COL25A1: variants seen among roughly 807,000 people sequenced by gnomAD.
COL25A1 encodes the protein collagen type XXV alpha 1 chain.
A neutral mutation model predicts 128.4 loss-of-function variants in COL25A1; 103 were observed. That is an observed-to-expected ratio of 0.80 (90% CI 0.68 to 0.94). COL25A1 has a LOEUF of 0.94. COL25A1 is among the 40% of genes least tolerant of loss of function. The pLI, the probability that COL25A1 is intolerant of heterozygous loss-of-function variation, is 0.00. For synonymous variants in COL25A1, 279 were observed against 277.2 expected (o/e 1.01, Z -0.06); for missense variants, 745 against 840.0 (o/e 0.89, Z 1.40).
intron 3 of COL25A1, among the ~76,000 whole-genome samples, chr4:109,062,798 A>G (rs1762092168): frequency 1.3e-5 from 2 of 152,244 alleles, no homozygotes; most frequent in Non-Finnish European, 2.9e-5. Flanking sequence ...CTTAAATTCT[A>G]CTGGTAAGCT....
intron 3 of COL25A1, among the ~76,000 whole-genome samples, chr4:109,098,098 C>T (rs1765557069): frequency 1.3e-5 from 2 of 152,210 alleles, no homozygotes; most frequent in South Asian, 4.1e-4. Flanking sequence ...TGTAAATGCA[C>T]ATTACATGAA....
At chr4:108,877,396 T>C (rs1410253925) in intron 19 of COL25A1, among the ~76,000 whole-genome samples, 1 of 152,154 alleles carries the variant, frequency 6.6e-6, no homozygotes, top group African/African-American at 2.4e-5. Flanking sequence ...AATTAGTGTA[T>C]GAGCATTAAA....
At chr4:109,241,977 C>T (rs1779927109) in intron 3 of COL25A1, among the ~76,000 whole-genome samples, 1 of 151,866 alleles carries the variant, frequency 6.6e-6, no homozygotes. Context: ...TGACTTTTCT[C>T]CACCCTGTGT....
chr4:109,127,782 C>G (rs1380899366), intron 3 of COL25A1, among the ~76,000 whole-genome samples: 1 of 152,054 alleles, frequency 6.6e-6, no homozygotes, highest in Non-Finnish European at 1.5e-5. Flanking sequence ...CAACGAACCT[C>G]GGGTAGTTAC....
At chr4:108,845,648 G>A (rs76584734) in intron 28 of COL25A1, among the ~76,000 whole-genome samples, 11,975 of 152,166 alleles carry the variant, frequency 0.079, 607 homozygotes, top group African/African-American at 0.14. Context: ...AGGCAGTGGA[G>A]TTTACTGCAT....
At chr4:109,224,159 C>T (rs1778612486) in intron 3 of COL25A1, among the ~76,000 whole-genome samples, 1 of 151,830 alleles carries the variant, frequency 6.6e-6, no homozygotes, top group Non-Finnish European at 1.5e-5. Flanking sequence ...CTTGTGATAA[C>T]AGTGATAAAC....
chr4:109,127,229 TA>T (rs1768707570), intron 3 of COL25A1, among the ~76,000 whole-genome samples: 1 of 152,200 alleles, frequency 6.6e-6, no homozygotes, highest in African/African-American at 2.4e-5. Context: ...CTTCATTCCT[TA>T]GTGTGTGCTA....
intron 23 of COL25A1, 101 bp downstream of exon 23, chr4:108,860,826 A>G: frequency 2.1e-6 from 2 of 964,778 alleles, no homozygotes; most frequent in South Asian, 2.8e-5. Context: ...ACTATTATTA[A>G]GTATTATTAA....
chr4:109,257,631 C>T (rs1346019316), intron 3 of COL25A1, among the ~76,000 whole-genome samples: 9 of 152,162 alleles, frequency 5.9e-5, no homozygotes, highest in East Asian at 1.9e-4. Context: ...CATTTATAAA[C>T]GAGTAAACCA....
intron 14 of COL25A1, among the ~76,000 whole-genome samples, chr4:108,900,798 A>G (rs1338581726): frequency 6.6e-6 from 1 of 152,138 alleles, no homozygotes; most frequent in African/African-American, 2.4e-5. Context: ...GACATGACCT[A>G]TGTTTTTATA....
At chr4:109,125,576 C>T (rs1037348713) in intron 3 of COL25A1, among the ~76,000 whole-genome samples, 2 of 152,152 alleles carry the variant, frequency 1.3e-5, no homozygotes, top group African/African-American at 2.4e-5. Context: ...CATTTCTCTA[C>T]AAAATTATTC....
intron 5 of COL25A1, among the ~76,000 whole-genome samples, chr4:109,039,598 A>G (rs1468838487): frequency 6.6e-6 from 1 of 152,162 alleles, no homozygotes; most frequent in Non-Finnish European, 1.5e-5. Context: ...ACCTTGGTAT[A>G]TCCTGAGCAT....
intron 31 of COL25A1, among the ~76,000 whole-genome samples, chr4:108,841,429 G>C (rs550466374): frequency 6.6e-6 from 1 of 152,204 alleles, no homozygotes; most frequent in East Asian, 1.9e-4. Context: ...TGGTTGACTT[G>C]AGTACATTAT....
chr4:108,981,778 T>C (rs1339477064), intron 6 of COL25A1, among the ~76,000 whole-genome samples: 1 of 152,146 alleles, frequency 6.6e-6, no homozygotes, highest in African/African-American at 2.4e-5. Flanking sequence ...ATATTATACA[T>C]GAAGCAATTT....
At chr4:108,891,772 G>T (rs965305481) in intron 16 of COL25A1, among the ~76,000 whole-genome samples, 1 of 151,648 alleles carries the variant, frequency 6.6e-6, no homozygotes, top group African/African-American at 2.4e-5. Context: ...AGGACATAAA[G>T]GTTGTAGTAA....
intron 30 of COL25A1, among the ~76,000 whole-genome samples, chr4:108,842,174 A>G (rs1250949402): frequency 6.6e-6 from 1 of 152,214 alleles, no homozygotes; most frequent in Non-Finnish European, 1.5e-5. Context: ...CTCCAGACCC[A>G]AGGTGTTGAA....
chr4:108,895,117 G>T (rs1741975652), intron 16 of COL25A1, among the ~76,000 whole-genome samples: 1 of 152,104 alleles, frequency 6.6e-6, no homozygotes, highest in South Asian at 2.1e-4. Context: ...CTAATTTCTA[G>T]ACTCCTCGAA....
intron 3 of COL25A1, among the ~76,000 whole-genome samples, chr4:109,194,082 A>G (rs1775827103): frequency 6.6e-6 from 1 of 152,202 alleles, no homozygotes. Context: ...CGAACTTGTT[A>G]AAGCATTTTT....
At chr4:108,908,885 G>C (rs1248954938) in intron 13 of COL25A1, among the ~76,000 whole-genome samples, 1 of 152,108 alleles carries the variant, frequency 6.6e-6, no homozygotes, top group Non-Finnish European at 1.5e-5. Flanking sequence ...CTTATGCTAA[G>C]TCAGTTCCTG....
Sources: allele counts gnomAD v4.1 joint callset (sites outside exome capture counted in the v4.1 genomes callset), GRCh38; gene constraint gnomAD v4.1.1; transcripts MANE v1.5; gene names NCBI Gene and HGNC (gene_info 2026-07-23, HGNC 2026-07-21).